BARD1: variants seen among roughly 807,000 people sequenced by gnomAD.
BARD1 encodes BRCA1-associated RING domain protein 1.
A neutral mutation model predicts 77.0 loss-of-function variants in BARD1; 73 were observed. That is an observed-to-expected ratio of 0.95 (90% CI 0.79 to 1.15). The LOEUF is 1.15. BARD1 is among the 50% of genes most tolerant of loss of function. BARD1 has a pLI of 0.00. For missense variants in BARD1, 993 were observed against 938.8 expected, an observed-to-expected ratio of 1.06 and a Z score of -0.75; for synonymous variants, 384 against 338.0, an observed-to-expected ratio of 1.14 and a Z score of -1.49.
intron 9 of BARD1, among the ~76,000 whole-genome samples, chr2:214,734,220 G>T (rs1436157319): frequency 6.6e-6 from 1 of 151,980 alleles, no homozygotes; most frequent in Non-Finnish European, 1.5e-5. Context: ...ATGTATTAGT[G>T]AAGTGGTATT....
intron 6 of BARD1, among the ~76,000 whole-genome samples, chr2:214,765,357 A>G (rs1358462420): frequency 1.3e-5 from 2 of 152,158 alleles, no homozygotes; most frequent in African/African-American, 4.8e-5. Flanking sequence ...CAGTGCAGTG[A>G]CGAATCATGG....
At chr2:214,773,605 TCTA>T (rs1406260060) in intron 4 of BARD1, among the ~76,000 whole-genome samples, 1 of 151,578 alleles carries the variant, frequency 6.6e-6, no homozygotes, top group East Asian at 1.9e-4. Context: ...TATACTGTAG[TCTA>T]CTAAGTGTGC....
At chr2:214,775,071 C>G (rs541238379) in intron 4 of BARD1, among the ~76,000 whole-genome samples, 1 of 152,124 alleles carries the variant, frequency 6.6e-6, no homozygotes, top group African/African-American at 2.4e-5. Flanking sequence ...CTCCTCATAT[C>G]GGCAGTAAGG....
rs1322965570 is a variant in BARD1, at chr2:214,777,754, C to T, written c.1314+2806G>A. Reference sequence around the variant, plus strand: ...AACTCCTTGTTCCATTTTATAGTAGCTTTAACTTTAGAGCCACTTCAAATC... The same window carrying T: ...AACTCCTTGTTCCATTTTATAGTAGTTTTAACTTTAGAGCCACTTCAAATC... On this transcript the variant is annotated intron_variant, in intron 4 of 10. Coordinates refer to ENST00000260947, the MANE Select transcript of BARD1 (RefSeq NM_000465.4). Among the ~76,000 whole-genome samples the T allele has an allele frequency of 3.9e-5, 6 of 152,170 alleles. 1 individual carries two copies. The highest frequency in any genetic ancestry group is 3.3e-4 in the Admixed American group (5 of 15,270).
chr2:214,790,480 A>C (rs77081912), intron 3 of BARD1, among the ~76,000 whole-genome samples: 7,977 of 152,228 alleles, frequency 0.052, 231 homozygotes, highest in Admixed American at 0.083. Flanking sequence ...CATCTACAAG[A>C]CAAGGAGACT....
intron 6 of BARD1, among the ~76,000 whole-genome samples, chr2:214,762,372 A>ACT (rs1261088875): frequency 6.6e-6 from 1 of 152,180 alleles, no homozygotes; most frequent in African/African-American, 2.4e-5. Context: ...GGCAAGGGAT[A>ACT]CTCAGTCTAT....
rs1461464750 is a variant in BARD1, at chr2:214,728,023, A to G, written c.*653T>C. The G allele has an allele frequency of 2.2e-5, 5 of 223,106 alleles. No homozygotes were observed. The highest frequency in any genetic ancestry group is 4.5e-5 in the Non-Finnish European group (5 of 111,834). The allele number at this position is 223,106 out of a possible 1,614,324, so 13.8% of individuals were successfully genotyped here. ...GAATAAAAATATGTACCATGAGCCT[A>G]GTGTTGATTTTTACCACACACACAA... On this transcript the variant is annotated 3_prime_UTR_variant, in exon 11 of 11. Coordinates refer to ENST00000260947, the MANE Select transcript of BARD1 (RefSeq NM_000465.4).
In BARD1 at chr2:214,752,527, A is replaced by C; in HGVS notation, c.1597T>G (p.Tyr533Asp). 1.2e-6 allele frequency: 2 copies of C among 1,613,780 alleles called. No individual in the cohort carries two copies. The highest frequency in any genetic ancestry group is 1.7e-6 in the Non-Finnish European group (2 of 1,179,764). ...VNIFGLRPVD[Y>D]TDDESMKSLL... ...GATTTCATACTTTCATCATCTGTATAATCGACAGGCCGCAGACCAAATATA... is the reference window on the plus strand; with the variant it reads ...GATTTCATACTTTCATCATCTGTATCATCGACAGGCCGCAGACCAAATATA... Residue 533 changes from tyrosine (Y) to aspartate (D), a missense_variant, in exon 7 of 11, where the codon TAT (tyrosine) becomes GAT (aspartate). Tyr to Asp is a radical substitution (Grantham distance 160). Coordinates refer to ENST00000260947, the MANE Select transcript of BARD1 (RefSeq NM_000465.4).
intron 2 of BARD1, among the ~76,000 whole-genome samples, chr2:214,793,399 T>C (rs1369204828): frequency 1.3e-5 from 2 of 152,198 alleles, no homozygotes; most frequent in East Asian, 1.9e-4. Context: ...TTTGGGACCA[T>C]CTAATTCAAA....
At chr2:214,770,549 C>T (rs16852689) in intron 4 of BARD1, among the ~76,000 whole-genome samples, 20,163 of 152,256 alleles carry the variant, frequency 0.13, 1,429 homozygotes, top group African/African-American at 0.16. Flanking sequence ...AAGGAAAATA[C>T]TCTGAAGGCA....
Position 214,771,943 on chromosome 2 carries a change from A to AAAAAAAAAG in BARD1, c.1315-2632_1315-2631insCTTTTTTTT, listed in dbSNP as rs59814038. Among the ~76,000 whole-genome samples the AAAAAAAAAG allele has an allele frequency of 5.4e-3, 775 of 143,190 alleles. 18 individuals carry two copies. Among genetic ancestry groups the AAAAAAAAAG allele is most frequent in the African/African-American group, 0.017 (629 of 36,674 alleles). The allele number at this position is 143,190 out of a possible 152,430, so 93.9% of individuals were successfully genotyped here. ...TTTCAGGAAAAAAAAAAAAAAAAAAAGCAACATTTTCCCAGATTTCTTAAC... is the reference window on the plus strand; with the variant it reads ...TTTCAGGAAAAAAAAAAAAAAAAAAAAAAAAAAAGGCAACATTTTCCCAGATTTCTTAAC... On this transcript the variant is annotated intron_variant, in intron 4 of 10. Coordinates refer to ENST00000260947, the MANE Select transcript of BARD1 (RefSeq NM_000465.4).
intron 1 of BARD1, among the ~76,000 whole-genome samples, chr2:214,802,114 C>T (rs570276163): frequency 6.6e-6 from 1 of 152,268 alleles, no homozygotes; most frequent in Non-Finnish European, 1.5e-5. Flanking sequence ...AATGGTTCGA[C>T]TCACAATTTT....
intron 9 of BARD1, among the ~76,000 whole-genome samples, chr2:214,738,585 T>C (rs954007164): frequency 6.6e-6 from 1 of 152,082 alleles, no homozygotes; most frequent in Non-Finnish European, 1.5e-5. Context: ...GGACCACTGA[T>C]GATGGTCATG....
At chr2:214,804,375 T>C (rs1438498036) in intron 1 of BARD1, among the ~76,000 whole-genome samples, 1 of 152,242 alleles carries the variant, frequency 6.6e-6, no homozygotes, top group Non-Finnish European at 1.5e-5. Flanking sequence ...TAAGAAACTA[T>C]GTGTCTGGCA....
chr2:214,729,574 GTCACCA>G (rs1692258697), intron 10 of BARD1, among the ~76,000 whole-genome samples: 1 of 152,144 alleles, frequency 6.6e-6, no homozygotes, highest in Non-Finnish European at 1.5e-5. Flanking sequence ...CTAAGATTCA[GTCACCA>G]TCTCGGTTCC....
chr2:214,751,104 TG>T, intron 7 of BARD1, among the ~76,000 whole-genome samples: 1 of 10,402 alleles, frequency 9.6e-5, no homozygotes. Flanking sequence ...TGTGTGTGTG[TG>T]TGTGTGTGTG....
chr2:214,768,927 G>C (rs1474570908), intron 5 of BARD1, among the ~76,000 whole-genome samples: 1 of 152,170 alleles, frequency 6.6e-6, no homozygotes, highest in Admixed American at 6.5e-5. Flanking sequence ...GTGACATGCA[G>C]TGCTACAGAA....
At position 214,752,841 on chromosome 2, in the gene BARD1, A is replaced by C. The variant is rs976754241; in HGVS notation, c.1569-286T>G. 3.3e-5 allele frequency among the ~76,000 whole-genome samples: 5 copies of C among 152,268 alleles called. No individual in the cohort carries two copies. The South Asian group carries it at 1.0e-3, about 32-fold the overall frequency. The stretch of plus-strand genomic sequence containing the variant: ...ATTAAAATATGGCTTCATAATCACC[A>C]ATCACTATAAGTGACAGACTTTCAA... On this transcript the variant is annotated intron_variant, in intron 6 of 10. Transcript: ENST00000260947.
chr2:214,765,361 A>T (rs1021993150), intron 6 of BARD1, among the ~76,000 whole-genome samples: 31 of 152,182 alleles, frequency 2.0e-4, no homozygotes, highest in African/African-American at 7.2e-4. Context: ...GCAGTGACGA[A>T]TCATGGTGTA....
Sources: allele counts gnomAD v4.1 joint callset (sites outside exome capture counted in the v4.1 genomes callset), GRCh38; gene constraint gnomAD v4.1.1; transcripts MANE v1.5; gene names NCBI Gene and HGNC (gene_info 2026-07-23, HGNC 2026-07-21).